The following TMC2 variants were observed in gnomAD, a reference collection of about 807,000 sequenced individuals.
TMC2 encodes transmembrane channel-like protein 2.
Under a neutral mutation model 105.9 loss-of-function variants are expected in TMC2, and 102 were observed. The observed-to-expected ratio is 0.96, with a 90% confidence interval of 0.82 to 1.14. TMC2 has a LOEUF of 1.14. Among genes scored for constraint, TMC2 ranks in the 50% most tolerant of loss-of-function variants. TMC2 has a pLI of 0.00. For synonymous variants in TMC2, 402 were observed against 422.8 expected, an observed-to-expected ratio of 0.95 and a Z score of 0.60; for missense variants, 1,093 against 1,134.3, an observed-to-expected ratio of 0.96 and a Z score of 0.52.
chr20:2,628,249 A>AT (rs1234921327), intron 17 of TMC2, among the ~76,000 whole-genome samples: 3 of 151,336 alleles, frequency 2.0e-5, no homozygotes, highest in Non-Finnish European at 4.4e-5. Context: ...ATTCCTTATC[A>AT]TTTTTTCATT....
intron 16 of TMC2, among the ~76,000 whole-genome samples, chr20:2,620,921 G>T (rs1053436836): frequency 6.6e-6 from 1 of 152,114 alleles, no homozygotes. Context: ...CTCCCTTTTG[G>T]TAATGGAGTG....
Position 2,592,400 on chromosome 20 carries a change from G to C in TMC2, c.925G>C (p.Asp309His). The C allele has an allele frequency of 6.2e-7, 1 of 1,611,376 alleles. No homozygotes were observed. Among genetic ancestry groups the C allele is most frequent in the Non-Finnish European group, 8.5e-7 (1 of 1,177,504 alleles). ...EKAMDFSVLW[D>H]FEGYIKYSAL... ...GGCCATGGATTTTTCTGTCCTTTGGGATTTTGAGGTACTATTGTCAACATG... is the reference window on the plus strand; with the variant it reads ...GGCCATGGATTTTTCTGTCCTTTGGCATTTTGAGGTACTATTGTCAACATG... Residue 309 changes from aspartate (D) to histidine (H), a missense_variant, in exon 8 of 20, where the codon GAT (aspartate) becomes CAT (histidine). Transcript: ENST00000358864. This position sits in a 1 kb window ranked among gnomAD's most constrained non-coding sequence, Gnocchi z 4.9.
At chr20:2,636,823 G>C (rs539973588) in intron 18 of TMC2, among the ~76,000 whole-genome samples, 74 of 152,182 alleles carry the variant, frequency 4.9e-4, no homozygotes, top group Non-Finnish European at 7.4e-4. Context: ...ATGTGAGCCA[G>C]GATGGTCACC....
intron 4 of TMC2, among the ~76,000 whole-genome samples, chr20:2,563,710 G>T (rs4815333): frequency 0.65 from 99,381 of 151,900 alleles, 33,185 homozygotes; most frequent in African/African-American, 0.79. Flanking sequence ...TATCAAAACA[G>T]CATGTACACC....
chr20:2,579,016 A>G lies in TMC2; in HGVS notation c.646-130A>G. On this transcript the variant is annotated intron_variant, in intron 5 of 19. Transcript: ENST00000358864. Reference sequence around the variant, plus strand: ...GGCTCAAGGACAGCAGGAGCTGGGGACTGCAAGACAGCAGCTTCACCCATG... The same window carrying G: ...GGCTCAAGGACAGCAGGAGCTGGGGGCTGCAAGACAGCAGCTTCACCCATG... The G allele has an allele frequency of 4.7e-6, 3 of 644,782 alleles. No homozygotes were observed. In the South Asian group the frequency reaches 5.0e-5, roughly 11 times the overall value. The allele number at this position is 644,782 out of a possible 1,614,324, so 39.9% of individuals were successfully genotyped here. A position where few individuals can be genotyped will look rare whatever the true frequency, so the allele number is the denominator to read the frequency against.
chr20:2,603,501 G>A (rs2086366707), intron 11 of TMC2, among the ~76,000 whole-genome samples: 1 of 152,190 alleles, frequency 6.6e-6, no homozygotes, highest in Non-Finnish European at 1.5e-5. Flanking sequence ...ATCAAAAACT[G>A]TTAAAGCTAT....
Position 2,612,173 on chromosome 20 carries a change from C to A in TMC2, c.1594-18C>A. The A allele has an allele frequency of 6.3e-7, 1 of 1,576,656 alleles. No individual in the cohort carries two copies. Among genetic ancestry groups the A allele is most frequent in the South Asian group, 1.2e-5 (1 of 86,120 alleles). On this transcript the variant is annotated intron_variant, in intron 12 of 19. Transcript: ENST00000358864. Reference sequence around the variant, plus strand: ...TCCCTAGCTCCTTCCTACCCCACACCTCCATCTTCTGTTCTAGCTTGCTAA... The same window carrying A: ...TCCCTAGCTCCTTCCTACCCCACACATCCATCTTCTGTTCTAGCTTGCTAA...
At chr20:2,587,697 A>T (rs1246435634) in intron 7 of TMC2, among the ~76,000 whole-genome samples, 3 of 152,192 alleles carry the variant, frequency 2.0e-5, no homozygotes, top group African/African-American at 7.2e-5. Context: ...GGTTAAATCA[A>T]GCTAATTAAC....
intron 2 of TMC2, among the ~76,000 whole-genome samples, chr20:2,556,236 G>A (rs1279164550): frequency 6.6e-6 from 1 of 151,950 alleles, no homozygotes; most frequent in Non-Finnish European, 1.5e-5. Flanking sequence ...TTACAGGCAC[G>A]TGCCATCATG....
chr20:2,545,907 A>G (rs1445190355), intron 2 of TMC2, among the ~76,000 whole-genome samples: 1 of 45,052 alleles, frequency 2.2e-5, no homozygotes, highest in Non-Finnish European at 4.7e-5. Context: ...AAAGAAAGAA[A>G]AAAAGAAAGA....
chr20:2,600,986 GAAA>G (rs55710696), intron 10 of TMC2, among the ~76,000 whole-genome samples: 1 of 90,558 alleles, frequency 1.1e-5, no homozygotes, highest in Non-Finnish European at 2.2e-5. Context: ...GACTGTCTCA[GAAA>G]AAAAAAAAAA....
chr20:2,627,014 C>G (rs569988686), intron 17 of TMC2, among the ~76,000 whole-genome samples: 1 of 152,146 alleles, frequency 6.6e-6, no homozygotes, highest in Non-Finnish European at 1.5e-5. Flanking sequence ...TGATTGATCA[C>G]GGGTTCACAT....
chr20:2,570,111 T>A (rs898829408), intron 4 of TMC2, among the ~76,000 whole-genome samples: 5 of 152,030 alleles, frequency 3.3e-5, no homozygotes, highest in Non-Finnish European at 7.4e-5. Flanking sequence ...CTATTCAACA[T>A]AGTACTGGAA....
chr20:2,574,787 A>G (rs536878468), intron 5 of TMC2, among the ~76,000 whole-genome samples: 7 of 152,128 alleles, frequency 4.6e-5, no homozygotes, highest in South Asian at 2.1e-4. Context: ...GTGCAGCAGC[A>G]TGATCTCGGC....
intron 16 of TMC2, among the ~76,000 whole-genome samples, chr20:2,619,263 G>A (rs905788685): frequency 1.3e-5 from 2 of 152,116 alleles, no homozygotes; most frequent in East Asian, 3.9e-4. Context: ...CAATCCCCCA[G>A]GCCCAGGGCT....
intron 2 of TMC2, among the ~76,000 whole-genome samples, chr20:2,557,357 A>C (rs2122822666): frequency 6.6e-6 from 1 of 152,306 alleles, no homozygotes; most frequent in African/African-American, 2.4e-5. Flanking sequence ...TGACCAGTCT[A>C]CTAATGAGCC....
chr20:2,628,035 G>A (rs980421662), intron 17 of TMC2, among the ~76,000 whole-genome samples: 1 of 152,014 alleles, frequency 6.6e-6, no homozygotes, highest in Admixed American at 6.6e-5. Context: ...AGCTGTGGTG[G>A]TGTGTGCCTG....
At chr20:2,606,434 AT>A (rs34037837) in intron 11 of TMC2, among the ~76,000 whole-genome samples, 1 of 152,080 alleles carries the variant, frequency 6.6e-6, no homozygotes, top group Non-Finnish European at 1.5e-5. Flanking sequence ...TAATTTTTGT[AT>A]TTTTAGTAGA....
At chr20:2,572,156 C>CTT (rs371954216) in intron 4 of TMC2, 23 bp from the exon 5 acceptor site, 118,821 of 1,247,016 alleles carry the variant, frequency 0.095, 1,972 homozygotes, top group African/African-American at 0.19. Flanking sequence ...TGAAATCCTG[C>CTT]TTTTTTTTTT....
Sources: allele counts gnomAD v4.1 joint callset (sites outside exome capture counted in the v4.1 genomes callset), GRCh38; gene constraint gnomAD v4.1.1; non-coding constraint Gnocchi (gnomAD v3.1); transcripts MANE v1.5; gene names NCBI Gene and HGNC (gene_info 2026-07-23, HGNC 2026-07-21).